Variants in NCOA3 observed in about 807,000 individuals in gnomAD.
NCOA3 encodes nuclear receptor coactivator 3, also known as CBP-interacting protein.
NCOA3 carries 51 observed loss-of-function variants against 158.8 expected under a neutral mutation model. The observed-to-expected ratio is 0.32, with a 90% CI of 0.26 to 0.41. The LOEUF (loss-of-function observed/expected upper bound fraction) is 0.41, where lower values mean the gene tolerates loss of function less well. Ranked by LOEUF, NCOA3 falls within the 10% of genes least tolerant of loss-of-function variation. NCOA3 has a pLI of 1.00. For synonymous variants in NCOA3, 537 were observed against 592.4 expected (o/e 0.91, Z 1.36); for missense variants, 1,510 against 1,746.6 (o/e 0.86, Z 2.41).
chr20:47,597,984 G>A (rs1021741139), intron 2 of NCOA3, among the ~76,000 whole-genome samples: 4 of 151,224 alleles, frequency 2.6e-5, no homozygotes, highest in Non-Finnish European at 5.9e-5. Flanking sequence ...GGTGGCTCAC[G>A]CCTGTAATCC....
At chr20:47,599,371 A>G (rs1451492787) in intron 2 of NCOA3, among the ~76,000 whole-genome samples, 2 of 151,896 alleles carry the variant, frequency 1.3e-5, no homozygotes, top group Admixed American at 1.3e-4. Flanking sequence ...AGGTTGGGTT[A>G]TATGAGGTTG....
intron 16 of NCOA3, among the ~76,000 whole-genome samples, chr20:47,641,546 C>T (rs961250402): frequency 1.5e-5 from 2 of 133,740 alleles, no homozygotes; most frequent in Admixed American, 8.1e-5. Context: ...TCTCTCCCAG[C>T]CTGGAGTGCA....
At chr20:47,605,428 A>G (rs1408152987) in intron 2 of NCOA3, among the ~76,000 whole-genome samples, 1 of 151,696 alleles carries the variant, frequency 6.6e-6, no homozygotes, top group Non-Finnish European at 1.5e-5. Flanking sequence ...ACATATATAT[A>G]TTATTATTAT....
chr20:47,520,776 C>T (rs550015606), intron 1 of NCOA3, among the ~76,000 whole-genome samples: 46 of 152,148 alleles, frequency 3.0e-4, no homozygotes, highest in African/African-American at 4.1e-4. Flanking sequence ...AGGTCCTTTG[C>T]GCTCACTGAA....
In NCOA3 at chr20:47,589,093, A is replaced by G. The variant is rs959455192; in HGVS notation, c.-20+5832A>G. Reference sequence around the variant, plus strand: ...TTTTTAGTAGAGACAGGTTTTCACCATGTTGACCAGGCTGGTTTCAAACTC... The same window carrying G: ...TTTTTAGTAGAGACAGGTTTTCACCGTGTTGACCAGGCTGGTTTCAAACTC... On this transcript the variant is annotated intron_variant, in intron 2 of 22. Coordinates refer to ENST00000371998, the MANE Select transcript of NCOA3 (RefSeq NM_181659.3). Among the ~76,000 whole-genome samples, 5 of 152,076 alleles carry G rather than the reference A, an allele frequency of 3.3e-5. No homozygotes were observed. In the East Asian group the frequency reaches 9.7e-4, roughly 29 times the overall value.
At chr20:47,559,200 C>G (rs1218201724) in intron 1 of NCOA3, among the ~76,000 whole-genome samples, 1 of 152,130 alleles carries the variant, frequency 6.6e-6, no homozygotes, top group African/African-American at 2.4e-5. Context: ...TTATAGGCTT[C>G]TGGGTGGTCA....
chr20:47,526,353 C>T (rs1314813710), intron 1 of NCOA3, among the ~76,000 whole-genome samples: 4 of 151,836 alleles, frequency 2.6e-5, no homozygotes, highest in Admixed American at 1.3e-4. Context: ...ACTTCCCAGA[C>T]GGGGTGGCGG....
Position 47,635,420 on chromosome 20 carries a change from C to T in NCOA3, c.1211C>T (p.Ser404Leu), listed in dbSNP as rs772825285. The T allele has an allele frequency of 6.8e-6, 11 of 1,613,978 alleles. No individual in the cohort carries two copies. The highest frequency in any genetic ancestry group is 2.2e-5 in the East Asian group (1 of 44,890). ...CNSSVGGMSM[S>L]PNQGLQMPSS... The stretch of plus-strand genomic sequence containing the variant: ...AGTTCGGTAGGCGGCATGAGTATGT[C>T]GCCAAACCAAGGCTTACAGATGCCG... Residue 404 changes from serine (S) to leucine (L), a missense_variant, in exon 11 of 23, where the codon TCG (serine) becomes TTG (leucine). By Grantham distance (145) the Ser-to-Leu change is moderately radical. Coordinates refer to ENST00000371998, the MANE Select transcript of NCOA3 (RefSeq NM_181659.3).
At position 47,522,099 on chromosome 20, in the gene NCOA3, C is replaced by CTTTTTTTTTTTTTTTTTTTTTTT. The variant is rs772811888; in HGVS notation, c.-99+20081_-99+20103dup. On this transcript the variant is annotated intron_variant, in intron 1 of 22. Coordinates refer to ENST00000371998, the MANE Select transcript of NCOA3 (RefSeq NM_181659.3). ...GTTTTGTAGTTACCATTGTACAGAT[C>CTTTTTTTTTTTTTTTTTTTTTTT]TTTTTTTTTTTTTTTTTTTTTTTGA... Among the ~76,000 whole-genome samples the CTTTTTTTTTTTTTTTTTTTTTTT allele has an allele frequency of 8.3e-4, 64 of 76,836 alleles. 4 individuals are homozygous for CTTTTTTTTTTTTTTTTTTTTTTT. The highest frequency in any genetic ancestry group is 1.3e-3 in the Non-Finnish European group (53 of 40,954). The allele number at this position is 76,836 out of a possible 152,430, so 50.4% of individuals were successfully genotyped here.
At chr20:47,625,064 C>T (rs558602847) in intron 4 of NCOA3, among the ~76,000 whole-genome samples, 18 of 152,268 alleles carry the variant, frequency 1.2e-4, no homozygotes, top group Admixed American at 7.2e-4. Context: ...TGAGCCACCG[C>T]GCTGGGCCTC....
At chr20:47,624,804 G>A (rs190794566) in intron 4 of NCOA3, among the ~76,000 whole-genome samples, 30 of 152,190 alleles carry the variant, frequency 2.0e-4, no homozygotes, top group African/African-American at 7.0e-4. Flanking sequence ...ATGGTGTCTC[G>A]CTTTGTCTCT....
At chr20:47,566,054 A>T (rs1404752487) in intron 1 of NCOA3, among the ~76,000 whole-genome samples, 4 of 151,134 alleles carry the variant, frequency 2.6e-5, no homozygotes, top group Non-Finnish European at 5.9e-5. Context: ...GCTCACTGCA[A>T]CCTCTGCCTC....
chr20:47,511,550 T>TATATATACATACACACAC lies in NCOA3; in HGVS notation c.-99+9537_-99+9538insACATACACACACATATAT. ...ATATATATATATATATATATATATATATATATTTCTTTTTTTTTTTGAGAC... is the reference window on the plus strand; with the variant it reads ...ATATATATATATATATATATATATATATATATACATACACACACATATATTTCTTTTTTTTTTTGAGAC... On this transcript the variant is annotated intron_variant, in intron 1 of 22. Coordinates refer to ENST00000371998, the MANE Select transcript of NCOA3 (RefSeq NM_181659.3). Among the ~76,000 whole-genome samples the TATATATACATACACACAC allele has an allele frequency of 9.6e-5, 5 of 52,270 alleles. 1 individual carries two copies. Among genetic ancestry groups the TATATATACATACACACAC allele is most frequent in the African/African-American group, 2.7e-4 (5 of 18,652 alleles). The allele number at this position is 52,270 out of a possible 152,430, so 34.3% of individuals were successfully genotyped here. A position where few individuals can be genotyped will look rare whatever the true frequency, so the allele number is the denominator to read the frequency against.
At position 47,564,908 on chromosome 20, in the gene NCOA3, C is replaced by T. The variant is rs988115595; in HGVS notation, c.-98-18275C>T. ...ATTGTCTTTTCTAATTTGTAAAGCT[C>T]CTATGTATCCTAAACTTTAATTCCT... On this transcript the variant is annotated intron_variant, in intron 1 of 22. Transcript: ENST00000371998. Among the ~76,000 whole-genome samples, 10 of 151,684 alleles carry T rather than the reference C, an allele frequency of 6.6e-5. 1 individual carries two copies. The highest frequency in any genetic ancestry group is 1.5e-4 in the Non-Finnish European group (10 of 67,938).
chr20:47,639,861 T>A, intron 15 of NCOA3, 39 bp downstream of exon 15: 1 of 1,612,586 alleles, frequency 6.2e-7, no homozygotes. Flanking sequence ...AAAAAGAAAG[T>A]TAGATGTTTC....
chr20:47,650,638 C>T (rs563505450), intron 19 of NCOA3, among the ~76,000 whole-genome samples: 2 of 151,776 alleles, frequency 1.3e-5, no homozygotes, highest in East Asian at 2.0e-4. Context: ...CCGAGGTGGG[C>T]GGATCACCTG....
Position 47,636,752 on chromosome 20 carries a change from C to CCT in NCOA3, c.2366_2367insCT (p.Ser790Ter), listed in dbSNP as rs2086523022. ...AAAGACCCTAAAATTAAGACAGAGA[C>CCT]AAGTGAAGAGGTAATTTGTTTTCTG... On this transcript the variant is annotated frameshift_variant, in exon 12 of 23. Coordinates refer to ENST00000371998, the MANE Select transcript of NCOA3 (RefSeq NM_181659.3). LOFTEE classifies it high-confidence loss of function. 6.2e-7 allele frequency: 1 copy of CCT among 1,606,428 alleles called. No homozygotes were observed. Among genetic ancestry groups the CCT allele is most frequent in the East Asian group, 2.2e-5 (1 of 44,720 alleles).
intron 2 of NCOA3, among the ~76,000 whole-genome samples, chr20:47,609,563 A>G (rs1274461920): frequency 6.6e-6 from 1 of 152,110 alleles, no homozygotes; most frequent in African/African-American, 2.4e-5. Flanking sequence ...CCCCATCTCT[A>G]CTAAAATACA....
At chr20:47,542,203 A>T (rs6125041) in intron 1 of NCOA3, among the ~76,000 whole-genome samples, 15,764 of 139,460 alleles carry the variant, frequency 0.11, 871 homozygotes, top group Non-Finnish European at 0.13. Flanking sequence ...CTACATTAAA[A>T]TTTTTTTTTT....
Sources: gnomAD v4.1 joint callset for allele counts (sites outside exome capture counted in the v4.1 genomes callset) on GRCh38, gnomAD v4.1.1 for gene constraint, MANE v1.5 for transcripts, NCBI Gene and HGNC (gene_info 2026-07-23, HGNC 2026-07-21) for gene names.